CSMD3: variants seen among roughly 807,000 people sequenced by gnomAD.
The protein encoded by CSMD3 is CUB and sushi domain-containing protein 3.
In CSMD3, 177 loss-of-function variants were observed where a neutral mutation model predicts 435.2. The observed-to-expected ratio is 0.41, with a 90% CI of 0.36 to 0.46. The LOEUF (loss-of-function observed/expected upper bound fraction) is 0.46. Ranked by LOEUF, CSMD3 falls within the 20% of genes least tolerant of loss-of-function variation. CSMD3 has a pLI of 0.34. For missense variants in CSMD3, 4,265 were observed against 4,504.6 expected (o/e 0.95, Z 1.52); for synonymous variants, 1,656 against 1,520.5 (o/e 1.09, Z -2.07).
chr8:113,350,107 A>C (rs1220201479), intron 1 of CSMD3, among the ~76,000 whole-genome samples: 1 of 151,986 alleles, frequency 6.6e-6, no homozygotes, highest in East Asian at 1.9e-4. Context: ...AGGTCATTTG[A>C]GTAAAGCTAT....
At chr8:112,377,606 A>C (rs1400148135) in intron 38 of CSMD3, among the ~76,000 whole-genome samples, 1 of 152,168 alleles carries the variant, frequency 6.6e-6, no homozygotes, top group Non-Finnish European at 1.5e-5. Context: ...ACAACATGAT[A>C]GTAAGCCAAA....
At chr8:113,420,903 C>T (rs940279009) in intron 1 of CSMD3, among the ~76,000 whole-genome samples, 2 of 150,888 alleles carry the variant, frequency 1.3e-5, no homozygotes, top group Admixed American at 1.3e-4. Flanking sequence ...TAGCTGAGAT[C>T]GCCCCATTGC....
At chr8:113,068,995 T>C (rs1332842455) in intron 5 of CSMD3, among the ~76,000 whole-genome samples, 1 of 151,170 alleles carries the variant, frequency 6.6e-6, no homozygotes, top group Non-Finnish European at 1.5e-5. Flanking sequence ...AAACAGTTAC[T>C]AGGGAGTTAA....
chr8:112,646,742 T>G (rs1429079786), intron 19 of CSMD3, among the ~76,000 whole-genome samples: 2 of 152,166 alleles, frequency 1.3e-5, no homozygotes, highest in African/African-American at 2.4e-5. Flanking sequence ...TTTCTGTTAT[T>G]TGAAAATAAT....
intron 6 of CSMD3, among the ~76,000 whole-genome samples, chr8:112,991,140 T>C (rs1262791541): frequency 6.6e-6 from 1 of 151,774 alleles, no homozygotes; most frequent in East Asian, 1.9e-4. Flanking sequence ...ATTTTTCATT[T>C]ATTTTCAAAA....
intron 9 of CSMD3, among the ~76,000 whole-genome samples, chr8:112,932,037 AGAGTT>A (rs2083125970): frequency 1.3e-5 from 2 of 152,164 alleles, no homozygotes; most frequent in Non-Finnish European, 2.9e-5. Context: ...GGCAGTATGA[AGAGTT>A]CTCAAAAAAC....
intron 13 of CSMD3, among the ~76,000 whole-genome samples, chr8:112,735,630 C>T (rs2077170284): frequency 6.6e-6 from 1 of 151,970 alleles, no homozygotes; most frequent in Non-Finnish European, 1.5e-5. Context: ...ACTTGCTGAT[C>T]CCTGCAGCTT....
intron 18 of CSMD3, 132 bp from the exon 19 acceptor site, chr8:112,650,481 A>G (rs573256524): frequency 1.3e-6 from 1 of 757,448 alleles, no homozygotes; most frequent in African/African-American, 1.8e-5. Flanking sequence ...TCATTTTTAA[A>G]ATCAGCAATT....
chr8:112,958,950 T>C (rs1265368576), intron 7 of CSMD3, among the ~76,000 whole-genome samples: 2 of 152,110 alleles, frequency 1.3e-5, no homozygotes, highest in Non-Finnish European at 2.9e-5. Context: ...GTTGGAGATT[T>C]GGAAAAGGTG....
chr8:112,410,652 GTA>G (rs765482386), intron 32 of CSMD3, among the ~76,000 whole-genome samples: 1 of 36,598 alleles, frequency 2.7e-5, no homozygotes, highest in Non-Finnish European at 5.4e-5. Flanking sequence ...ATATATATGT[GTA>G]TATATATGTA....
chr8:112,701,481 A>T lies in CSMD3; in HGVS notation c.1973-11431T>A, dbSNP rs575377305. On this transcript the variant is annotated intron_variant, in intron 13 of 70. Coordinates refer to ENST00000297405, the MANE Select transcript of CSMD3 (RefSeq NM_198123.2). ...TGCCCACACTCTTTTCTATTGTCCC[A>T]TGATAATCGAGAGAAAGAATGGAAT... Among the ~76,000 whole-genome samples the T allele has an allele frequency of 3.3e-5, 5 of 152,240 alleles. No homozygotes were observed. The East Asian group carries it at 9.7e-4, about 29-fold the overall frequency.
chr8:112,613,250 T>TC (rs1463522572), intron 22 of CSMD3, among the ~76,000 whole-genome samples: 1 of 152,144 alleles, frequency 6.6e-6, no homozygotes, highest in Admixed American at 6.6e-5. Context: ...TCCTATTTTC[T>TC]CCCCTACTGT....
chr8:112,423,879 C>T (rs79382427), intron 32 of CSMD3, among the ~76,000 whole-genome samples: 2 of 152,046 alleles, frequency 1.3e-5, no homozygotes, highest in Non-Finnish European at 2.9e-5. Context: ...TGTAAGTATT[C>T]AAGTTCCATG....
At chr8:112,414,658 G>A (rs1302439626) in intron 32 of CSMD3, among the ~76,000 whole-genome samples, 1 of 152,156 alleles carries the variant, frequency 6.6e-6, no homozygotes, top group East Asian at 1.9e-4. Context: ...GCAAAAGTTA[G>A]AAAGTTTTGA....
rs778693042 is a variant in CSMD3 at position 112,947,803 on chromosome 8, C to T, written c.1495G>A (p.Gly499Arg). Residue 499 changes from glycine to arginine, a missense_variant, in exon 9 of 71, where the codon GGA becomes AGA. By Grantham distance (125) the Gly-to-Arg change is moderately radical. Transcript: ENST00000297405. ...TTAAAATATTACCTAAAATCTGATCCGATTCTCTTCCCATTTTCTGGTTCT... is the reference window on the plus strand; with the variant it reads ...TTAAAATATTACCTAAAATCTGATCTGATTCTCTTCCCATTTTCTGGTTCT... ...PGEPENGKRI[G>R]SDFSLGSTVQ... 1.8e-5 allele frequency: 25 copies of T among 1,407,640 alleles called. No individual in the cohort carries two copies. The highest frequency in any genetic ancestry group is 9.2e-5 in the East Asian group (4 of 43,610). 87.2% of individuals were successfully genotyped at this position (1,407,640 alleles called of 1,614,324 possible).
chr8:112,552,850 C>A, intron 25 of CSMD3, 130 bp from the exon 26 acceptor site: 1 of 759,778 alleles, frequency 1.3e-6, no homozygotes, highest in Non-Finnish European at 2.1e-6. Flanking sequence ...TTTGTATAAA[C>A]TTTTAAAGTA....
chr8:112,766,601 C>A (rs144358472), intron 13 of CSMD3, among the ~76,000 whole-genome samples: 19 of 151,944 alleles, frequency 1.3e-4, no homozygotes, highest in Admixed American at 3.3e-4. Context: ...AGCATCTTTA[C>A]TAGCAATGTA....
intron 10 of CSMD3, among the ~76,000 whole-genome samples, chr8:112,864,683 A>T (rs777832464): frequency 2.0e-4 from 31 of 152,276 alleles, no homozygotes; most frequent in Non-Finnish European, 4.0e-4. Flanking sequence ...AGTCTTATAA[A>T]GGTAACTACT....
chr8:113,050,661 T>G (rs2088047551), intron 5 of CSMD3, among the ~76,000 whole-genome samples: 1 of 152,126 alleles, frequency 6.6e-6, no homozygotes, highest in South Asian at 2.1e-4. Flanking sequence ...ATCTACCCAT[T>G]CATTTTAAGC....
Sources: gnomAD v4.1 joint callset for allele counts (sites outside exome capture counted in the v4.1 genomes callset) on GRCh38, gnomAD v4.1.1 for gene constraint, MANE v1.5 for transcripts, NCBI Gene and HGNC (gene_info 2026-07-23, HGNC 2026-07-21) for gene names.